Variants in MGAT4C observed in about 807,000 individuals in gnomAD.
MGAT4C encodes alpha-1,3-mannosyl-glycoprotein 4-beta-N-acetylglucosaminyltransferase C.
Under a neutral mutation model 40.1 loss-of-function variants are expected in MGAT4C, and 19 were observed. That is an observed-to-expected ratio of 0.47 (90% CI 0.33 to 0.70). MGAT4C has a LOEUF of 0.70. MGAT4C is among the 30% of genes least tolerant of loss of function. MGAT4C has a pLI of 0.02. For missense variants in MGAT4C, 491 were observed against 563.2 expected (o/e 0.87, Z 1.30); for synonymous variants, 181 against 187.1 (o/e 0.97, Z 0.27).
intron 3 of MGAT4C, among the ~76,000 whole-genome samples, chr12:86,408,479 C>CTCTCTCTATATA (rs1267344319): frequency 6.0e-4 from 38 of 63,332 alleles, no homozygotes; most frequent in African/African-American, 1.6e-3. Flanking sequence ...CTCTCTCTCT[C>CTCTCTCTATATA]TATATATATA....
intron 2 of MGAT4C, among the ~76,000 whole-genome samples, chr12:86,455,925 G>GA (rs1195175108): frequency 6.6e-6 from 1 of 151,588 alleles, no homozygotes; most frequent in Non-Finnish European, 1.5e-5. Flanking sequence ...CTAATGTTCA[G>GA]AAAAAAATAG....
chr12:86,692,841 G>A (rs1185053974), intron 2 of MGAT4C, among the ~76,000 whole-genome samples: 2 of 152,126 alleles, frequency 1.3e-5, no homozygotes, highest in African/African-American at 4.8e-5. Context: ...TACCTGAGAC[G>A]AGTGTACCAC....
At chr12:86,408,547 AT>A (rs1956534797) in intron 3 of MGAT4C, among the ~76,000 whole-genome samples, 2 of 104,782 alleles carry the variant, frequency 1.9e-5, no homozygotes, top group East Asian at 5.3e-4. Context: ...AACTTTTCTA[AT>A]TTTATTTTAT....
At chr12:86,752,619 A>G (rs1249202173) in intron 1 of MGAT4C, among the ~76,000 whole-genome samples, 2 of 152,058 alleles carry the variant, frequency 1.3e-5, no homozygotes, top group East Asian at 1.9e-4. Context: ...TAATCTTCCA[A>G]CACATGAACA....
chr12:86,705,216 C>CTA (rs1950432980), intron 2 of MGAT4C, among the ~76,000 whole-genome samples: 1 of 147,588 alleles, frequency 6.8e-6, no homozygotes, highest in Non-Finnish European at 1.5e-5. Context: ...TGTCTATTAT[C>CTA]TCTATCTATC....
intron 3 of MGAT4C, among the ~76,000 whole-genome samples, chr12:85,985,112 T>A (rs1224175878): frequency 6.6e-6 from 1 of 152,178 alleles, no homozygotes; most frequent in Non-Finnish European, 1.5e-5. Context: ...GTATAGAAAG[T>A]CAAGCTAGGC....
intron 2 of MGAT4C, among the ~76,000 whole-genome samples, chr12:86,441,328 T>A (rs1029951498): frequency 1.5e-4 from 22 of 149,386 alleles, no homozygotes; most frequent in African/African-American, 2.5e-5. Context: ...CCAACTGATT[T>A]TTTTTATTAT....
chr12:85,976,530 T>C lies in MGAT4C; in HGVS notation c.*2759A>G, dbSNP rs1883993874. On this transcript the variant is annotated 3_prime_UTR_variant, in exon 5 of 5. Coordinates refer to ENST00000611864, the MANE Select transcript of MGAT4C (RefSeq NM_001351288.2). ...TACAATTCTGAGGCATTATTTAAGG[T>C]GCATACTGTATTTTTTGCTTGAAAC... 1 of 150,492 alleles carries C rather than the reference T, an allele frequency of 6.6e-6. No individual in the cohort carries two copies. Among genetic ancestry groups the C allele is most frequent in the Non-Finnish European group, 1.5e-5 (1 of 67,058 alleles). 9.3% of individuals were successfully genotyped at this position (150,492 alleles called of 1,614,324 possible).
At chr12:86,830,810 C>T (rs910275206) in intron 1 of MGAT4C, among the ~76,000 whole-genome samples, 2 of 151,726 alleles carry the variant, frequency 1.3e-5, no homozygotes, top group African/African-American at 2.4e-5. Context: ...TTCTAGTTAC[C>T]CTCCTCCTAA....
At chr12:86,395,716 T>C (rs1019504952) in intron 3 of MGAT4C, among the ~76,000 whole-genome samples, 3 of 152,192 alleles carry the variant, frequency 2.0e-5, no homozygotes. Flanking sequence ...AGTCCTTGAT[T>C]TTCTTTCCCT....
At chr12:86,045,440 C>T (rs1032641644) in intron 2 of MGAT4C, among the ~76,000 whole-genome samples, 2 of 152,104 alleles carry the variant, frequency 1.3e-5, no homozygotes, top group African/African-American at 2.4e-5. Context: ...GAACATGTAA[C>T]ATCTGATCCA....
intron 1 of MGAT4C, among the ~76,000 whole-genome samples, chr12:86,787,056 G>T (rs933732239): frequency 2.0e-5 from 3 of 152,012 alleles, no homozygotes; most frequent in African/African-American, 4.8e-5. Context: ...TTGGTTACAT[G>T]GATATATTAC....
At chr12:86,603,419 A>C (rs1273513435) in intron 2 of MGAT4C, among the ~76,000 whole-genome samples, 1 of 125,868 alleles carries the variant, frequency 7.9e-6, no homozygotes, top group Non-Finnish European at 1.6e-5. Flanking sequence ...TAGTATATAT[A>C]GTATATAGTA....
chr12:86,046,620 TGTAAGCTATTAA>T (rs1892420831), intron 2 of MGAT4C, among the ~76,000 whole-genome samples: 1 of 152,186 alleles, frequency 6.6e-6, no homozygotes, highest in Non-Finnish European at 1.5e-5. Context: ...GGCAAACTGT[TGTAAGCTATTAA>T]GTCAGTAGTT....
intron 2 of MGAT4C, among the ~76,000 whole-genome samples, chr12:86,487,514 T>C (rs1958041614): frequency 6.6e-6 from 1 of 152,182 alleles, no homozygotes; most frequent in African/African-American, 2.4e-5. Flanking sequence ...TATTTCCGAA[T>C]TTTGATGTTT....
Position 86,703,539 on chromosome 12 carries a change from A to G in MGAT4C, c.-229+23670T>C, listed in dbSNP as rs115771570. Among the ~76,000 whole-genome samples the G allele has an allele frequency of 7.1e-3, 1,075 of 152,292 alleles. 14 individuals are homozygous for G. The highest frequency in any genetic ancestry group is 0.025 in the African/African-American group (1,027 of 41,580). On this transcript the variant is annotated intron_variant, in intron 2 of 7. Coordinates refer to the MGAT4C transcript ENST00000548651. ...AAAAATTCAACTCACTGAAGGCCCA[A>G]ATGATTGGTAGCATTTTTAGCAATA...
At chr12:86,616,940 CTG>C in intron 2 of MGAT4C, among the ~76,000 whole-genome samples, 1 of 152,148 alleles carries the variant, frequency 6.6e-6, no homozygotes, top group Non-Finnish European at 1.5e-5. Context: ...TCTCAAAAAC[CTG>C]TTATTTGTTG....
intron 4 of MGAT4C, among the ~76,000 whole-genome samples, chr12:86,330,991 G>C (rs1304780534): frequency 6.6e-6 from 1 of 152,102 alleles, no homozygotes; most frequent in African/African-American, 2.4e-5. Flanking sequence ...AATCCATGTG[G>C]GTCTGCAGCA....
intron 4 of MGAT4C, among the ~76,000 whole-genome samples, chr12:86,298,427 C>T (rs1026608124): frequency 1.3e-5 from 2 of 152,066 alleles, no homozygotes; most frequent in African/African-American, 2.4e-5. Flanking sequence ...TTCTGAAAAC[C>T]GATTTAATGT....
Sources: allele counts gnomAD v4.1 joint callset (sites outside exome capture counted in the v4.1 genomes callset), GRCh38; gene constraint gnomAD v4.1.1; transcripts MANE v1.5; gene names NCBI Gene and HGNC (gene_info 2026-07-23, HGNC 2026-07-21).